STARD9: variants seen among roughly 807,000 people sequenced by gnomAD.
STARD9 encodes the protein StAR related lipid transfer domain containing 9, also known as stAR-related lipid transfer protein 9.
A neutral mutation model predicts 399.8 loss-of-function variants in STARD9; 346 were observed. The ratio of observed to expected loss-of-function variants is 0.87; its 90% confidence interval spans 0.79 to 0.95. The LOEUF (loss-of-function observed/expected upper bound fraction) is 0.95, where lower values mean the gene tolerates loss of function less well. Ranked by LOEUF, STARD9 falls within the 40% of genes least tolerant of loss-of-function variation. STARD9 has a pLI of 0.00. For missense variants in STARD9, 5,832 were observed against 5,667.5 expected, an observed-to-expected ratio of 1.03 and a Z score of -0.93; for synonymous variants, 2,203 against 2,143.5, an observed-to-expected ratio of 1.03 and a Z score of -0.77.
chr15:42,688,738 C>T lies in STARD9; in HGVS notation c.7160C>T (p.Thr2387Ile). The T allele has an allele frequency of 6.5e-7, 1 of 1,537,668 alleles. No homozygotes were observed. ...GAGCATCAGGACCAGAGTACGGAGA[C>T]CAGAAGCCACAGCCCCGAAGGAAAT... ...GVEHQDQSTE[T>I]RSHSPEGNVR... Residue 2387 changes from threonine to isoleucine, a missense_variant, in exon 23 of 33, where the codon ACC becomes ATC. Coordinates refer to ENST00000290607, the MANE Select transcript of STARD9 (RefSeq NM_020759.3).
At position 42,663,386 on chromosome 15, in the gene STARD9, G is replaced by A; in HGVS notation, c.974G>A (p.Gly325Glu). 1 of 1,537,274 alleles carries A rather than the reference G, an allele frequency of 6.5e-7. No individual in the cohort carries two copies. ...LSSPSGTSSGGAPSRRQSYIP... is the reference protein window; with the variant it reads ...LSSPSGTSSGEAPSRRQSYIP... ...TCTCCTTCTGGGACCAGCAGTGGAG[G>A]GGCACCCTCCCGAAGGCAGTCTTAT... is the stretch of plus-strand genomic sequence containing the variant. The change falls in exon 12 of 33, where the codon GGG becomes GAG. Residue 325 changes from glycine to glutamate, a missense_variant. Physicochemically the swap from Gly to Glu is moderately conservative, Grantham distance 98. Transcript: ENST00000290607.
chr15:42,610,714 T>C (rs913918806), intron 3 of STARD9, among the ~76,000 whole-genome samples: 2 of 152,144 alleles, frequency 1.3e-5, no homozygotes, highest in African/African-American at 4.8e-5. Context: ...GCCCGACTTA[T>C]TTTTGTACTT....
chr15:42,649,472 T>C (rs975748757), intron 7 of STARD9, among the ~76,000 whole-genome samples: 5 of 152,244 alleles, frequency 3.3e-5, no homozygotes, highest in Non-Finnish European at 5.9e-5. Context: ...CTTACAGTAT[T>C]ATTTCTCAGA....
chr15:42,645,178 C>T (rs922823713), intron 7 of STARD9, among the ~76,000 whole-genome samples: 47 of 152,310 alleles, frequency 3.1e-4, no homozygotes, highest in African/African-American at 9.6e-4. Context: ...CCATCTAAAA[C>T]GGTGAATTCT....
chr15:42,697,869 T>A (rs2060877820), intron 26 of STARD9, among the ~76,000 whole-genome samples: 1 of 152,158 alleles, frequency 6.6e-6, no homozygotes, highest in African/African-American at 2.4e-5. Context: ...GTACTCAACC[T>A]GTAAAAGGGA....
intron 3 of STARD9, among the ~76,000 whole-genome samples, chr15:42,631,685 A>C (rs1363647085): frequency 6.6e-6 from 1 of 152,164 alleles, no homozygotes; most frequent in Non-Finnish European, 1.5e-5. Flanking sequence ...ATGGTTTCCA[A>C]AATTCCTCTT....
chr15:42,688,329 G>T lies in STARD9; in HGVS notation c.6751G>T (p.Gly2251Cys). The T allele has an allele frequency of 6.5e-7, 1 of 1,537,410 alleles. No individual in the cohort carries two copies. The highest frequency in any genetic ancestry group is 8.7e-7 in the Non-Finnish European group (1 of 1,146,966). Residue 2251 changes from glycine (G) to cysteine (C), a missense_variant, in exon 23 of 33, where the codon GGT becomes TGT. By Grantham distance (159) the Gly-to-Cys change is radical (BLOSUM62 -3). Transcript: ENST00000290607. ...GSLEELETVK[G>C]FQESQVAEHV... ...TCTTGAGGAATTGGAGACTGTGAAAGGTTTTCAGGAAAGCCAAGTAGCTGA... is the reference window on the plus strand; with the variant it reads ...TCTTGAGGAATTGGAGACTGTGAAATGTTTTCAGGAAAGCCAAGTAGCTGA...
chr15:42,685,428 C>T lies in STARD9; in HGVS notation c.3850C>T (p.His1284Tyr). The change falls in exon 23 of 33, where the codon CAT becomes TAT. Residue 1284 changes from histidine (H) to tyrosine (Y), a missense_variant. This residue lies in a region of STARD9 where 5,828 missense variants were observed against 5,651.1 expected (regional missense o/e 1.03). Transcript: ENST00000290607. ...TTACCTTGATCCTCAGTTCCAACCC[C>T]ATTGTGAGCTCCAACCCCATTGTGA... Reference protein sequence around the residue: ...SFYLDPQFQPHCELQPHCELQ... With the variant: ...SFYLDPQFQPYCELQPHCELQ... 3 of 1,536,152 alleles carry T rather than the reference C, an allele frequency of 2.0e-6. No homozygotes were observed. The highest frequency in any genetic ancestry group is 2.6e-6 in the Non-Finnish European group (3 of 1,146,084).
Position 42,688,343 on chromosome 15 carries a change from C to T in STARD9, c.6765C>T (p.Ser2255=), listed in dbSNP as rs2060611014. The T allele has an allele frequency of 1.3e-6, 2 of 1,536,632 alleles. No individual in the cohort carries two copies. Among genetic ancestry groups the T allele is most frequent in the South Asian group, 1.2e-5 (1 of 83,508 alleles). Residue 2255 remains serine (S), a synonymous_variant, in exon 23 of 33, where the codon AGC becomes AGT. Transcript: ENST00000290607. The part of the protein sequence containing the change: ...ELETVKGFQE[S]QVAEHVSSSN... The stretch of plus-strand genomic sequence containing the variant: ...AGACTGTGAAAGGTTTTCAGGAAAG[C>T]CAAGTAGCTGAACACGTAAGTAGTT...
intron 16 of STARD9, 53 bp from the exon 17 acceptor site, chr15:42,674,387 G>A: frequency 1.4e-6 from 2 of 1,393,744 alleles, no homozygotes; most frequent in East Asian, 2.5e-5. Flanking sequence ...CTCCTGTAGG[G>A]CAAGGCTCTG....
chr15:42,706,581 C>G (rs1450848440), intron 26 of STARD9, among the ~76,000 whole-genome samples: 1 of 151,986 alleles, frequency 6.6e-6, no homozygotes, highest in East Asian at 1.9e-4. Context: ...TCCCGAAGAG[C>G]TGGGATTACA....
At chr15:42,581,255 G>C (rs1402167555) in intron 1 of STARD9, 1 of 856,330 alleles carries the variant, frequency 1.2e-6, no homozygotes, top group Non-Finnish European at 2.0e-6. Flanking sequence ...GTGACTCCCG[G>C]GATATTGGGC....
intron 3 of STARD9, among the ~76,000 whole-genome samples, chr15:42,634,597 C>T (rs531918309): frequency 6.6e-6 from 1 of 152,072 alleles, no homozygotes; most frequent in Admixed American, 6.6e-5. Context: ...GTTTAGAGAC[C>T]ATATTACTTT....
chr15:42,618,919 T>C (rs942961299), intron 3 of STARD9, among the ~76,000 whole-genome samples: 25 of 151,968 alleles, frequency 1.6e-4, no homozygotes, highest in Admixed American at 1.4e-3. Context: ...TCCCCAGATA[T>C]TTTTTTTAAT....
intron 26 of STARD9, among the ~76,000 whole-genome samples, chr15:42,700,480 G>A (rs2060942695): frequency 1.3e-5 from 2 of 152,174 alleles, no homozygotes; most frequent in Non-Finnish European, 2.9e-5. Flanking sequence ...TTTAGATGGA[G>A]CGAAGTGATA....
At position 42,631,818 on chromosome 15, in the gene STARD9, AT is replaced by A. The variant is rs35400362; in HGVS notation, c.235-3028del. ...TTTCCTTAACCCACCTTTCAGGAAG[AT>A]TTTTTTTTTAAATTATTTAAGATGT... On this transcript the variant is annotated intron_variant, in intron 3 of 32. Coordinates refer to ENST00000290607, the MANE Select transcript of STARD9 (RefSeq NM_020759.3). Among the ~76,000 whole-genome samples, 457 of 149,872 alleles carry A rather than the reference AT, an allele frequency of 3.0e-3. 2 individuals carry two copies. Among genetic ancestry groups the A allele is most frequent in the Non-Finnish European group, 4.7e-3 (317 of 67,278 alleles).
In STARD9 at chr15:42,718,824, C is replaced by T. The variant is rs1044297137; in HGVS notation, c.13915C>T (p.Arg4639Cys). The T allele has an allele frequency of 2.2e-5, 34 of 1,537,198 alleles. No individual in the cohort carries two copies. The highest frequency in any genetic ancestry group is 2.4e-5 in the East Asian group (1 of 40,920). ...SMPRPSRKMVRGEILPSAWIL... is the reference protein window; with the variant it reads ...SMPRPSRKMVCGEILPSAWIL... The stretch of plus-strand genomic sequence containing the variant: ...GCCAAGACCCAGCAGAAAAATGGTT[C>T]GCGGGGAGATCCTGCCCAGTGCCTG... Residue 4639 changes from arginine (R) to cysteine (C), a missense_variant, in exon 32 of 33, where the codon CGC becomes TGC. By Grantham distance (180) the Arg-to-Cys change is radical. Around this residue, in one of 2 missense-constraint regions of STARD9, gnomAD observed 5,828 missense variants for 5,651.1 expected, o/e 1.03. Coordinates refer to ENST00000290607, the MANE Select transcript of STARD9 (RefSeq NM_020759.3).
chr15:42,624,633 C>T (rs994542717), intron 3 of STARD9, among the ~76,000 whole-genome samples: 2 of 151,896 alleles, frequency 1.3e-5, no homozygotes, highest in African/African-American at 2.4e-5. Flanking sequence ...GCTGCAACCT[C>T]CGCCTCCCAG....
chr15:42,600,742 C>T (rs1394785079), intron 3 of STARD9, among the ~76,000 whole-genome samples: 1 of 151,918 alleles, frequency 6.6e-6, no homozygotes, highest in Non-Finnish European at 1.5e-5. Context: ...TCAGGCTGGT[C>T]TCGAACTCCT....
Sources: allele counts gnomAD v4.1 joint callset (sites outside exome capture counted in the v4.1 genomes callset), GRCh38; gene constraint gnomAD v4.1.1; regional missense constraint gnomAD v4.1.1; transcripts MANE v1.5; gene names NCBI Gene and HGNC (gene_info 2026-07-23, HGNC 2026-07-21).